The following GPN1 variants were observed in gnomAD, a reference collection of about 807,000 sequenced individuals.
GPN1 encodes GPN-loop GTPase 1.
In GPN1, 44 loss-of-function variants were observed where a neutral mutation model predicts 55.9. The observed-to-expected ratio is 0.79, with a 90% confidence interval of 0.62 to 1.01. The LOEUF is 1.01. GPN1 is among the 50% of genes least tolerant of loss of function. GPN1 has a pLI of 0.00. For synonymous variants in GPN1, 179 were observed against 162.5 expected (o/e 1.10, Z -0.77); for missense variants, 466 against 462.8 (o/e 1.01, Z -0.06).
At chr2:27,648,102 A>G (rs568631210) in intron 13 of GPN1, among the ~76,000 whole-genome samples, 159 bp downstream of exon 13, 7 of 152,346 alleles carry the variant, frequency 4.6e-5, no homozygotes, top group African/African-American at 1.7e-4. Flanking sequence ...TGTCCTGCCT[A>G]CTGGATGGTT....
At position 27,631,856 on chromosome 2, in the gene GPN1, G is replaced by A. The variant is rs372415547; in HGVS notation, c.268G>A (p.Gly90Ser). The A allele has an allele frequency of 3.5e-5, 56 of 1,602,226 alleles. No homozygotes were observed. The highest frequency in any genetic ancestry group is 4.5e-5 in the Non-Finnish European group (53 of 1,169,332). The change falls in exon 4 of 14, where the codon GGC (glycine) becomes AGC (serine). Residue 90 changes from glycine to serine, a missense_variant. Physicochemically the swap from Gly to Ser is moderately conservative, Grantham distance 56. Transcript: ENST00000610189. ...MKQYGLGPNG[G>S]IVTSLNLFAT... ...TAGATATGGACTTGGACCCAATGGC[G>A]GCATAGTGACCTCACTCAATCTCTT...
chr2:27,638,531 GACA>G (rs1158357759), intron 8 of GPN1, among the ~76,000 whole-genome samples: 10 of 152,196 alleles, frequency 6.6e-5, no homozygotes, highest in African/African-American at 2.4e-4. Flanking sequence ...TTACGAGAGG[GACA>G]ACTAGTCTAC....
At position 27,632,615 on chromosome 2, in the gene GPN1, G is replaced by C; in HGVS notation, c.313-18G>C. 1 of 1,584,402 alleles carries C rather than the reference G, an allele frequency of 6.3e-7. No individual in the cohort carries two copies. The highest frequency in any genetic ancestry group is 1.1e-5 in the South Asian group (1 of 90,406). On this transcript the variant is annotated intron_variant, in intron 4 of 13. Transcript: ENST00000610189. ...GTTGAAATCGGAATTTGTTGTCATT[G>C]ACATCTTTTTCTTTTAGGTGATGAA...
rs1673424476 is a variant in GPN1 at position 27,629,130 on chromosome 2, G to A, written c.72G>A (p.Val24=). Reference sequence around the variant, plus strand: ...CGCGGCACCCAGTGTGTCTGTTGGTGTTGGGAATGGCGGGATCCGGGAAAA... The same window carrying A: ...CGCGGCACCCAGTGTGTCTGTTGGTATTGGGAATGGCGGGATCCGGGAAAA... ...GGPRHPVCLL[V]LGMAGSGKTT... The change falls in exon 1 of 14, where the codon GTG becomes GTA. Residue 24 remains valine, a synonymous_variant. Transcript: ENST00000610189. 2 of 1,614,262 alleles carry A rather than the reference G, an allele frequency of 1.2e-6. No homozygotes were observed. Among genetic ancestry groups the A allele is most frequent in the Non-Finnish European group, 1.7e-6 (2 of 1,180,050 alleles).
chr2:27,635,425 C>T (rs780155710), intron 7 of GPN1, among the ~76,000 whole-genome samples, 191 bp downstream of exon 7: 1 of 151,114 alleles, frequency 6.6e-6, no homozygotes, highest in African/African-American at 2.4e-5. Context: ...GTGCTGTTGG[C>T]ATTCTCTCTC....
At chr2:27,637,062 C>A (rs1440494411) in intron 7 of GPN1, among the ~76,000 whole-genome samples, 1 of 151,994 alleles carries the variant, frequency 6.6e-6, no homozygotes, top group Non-Finnish European at 1.5e-5. Context: ...CAGAGACCAG[C>A]CGGGGCACCA....
At chr2:27,642,563 A>G (rs770756573) in intron 12 of GPN1, 44 bp downstream of exon 12, 2 of 1,140,296 alleles carry the variant, frequency 1.8e-6, no homozygotes, top group Non-Finnish European at 1.3e-6. Context: ...AAAAGGTTAC[A>G]CTTCTTTCTT....
chr2:27,632,186 T>C (rs1673581751), intron 4 of GPN1, among the ~76,000 whole-genome samples: 1 of 152,200 alleles, frequency 6.6e-6, no homozygotes, highest in Admixed American at 6.5e-5. Context: ...TGGGGGTATT[T>C]GGGAGTGGGA....
At chr2:27,646,632 T>C (rs1674247666) in intron 12 of GPN1, among the ~76,000 whole-genome samples, 1 of 152,180 alleles carries the variant, frequency 6.6e-6, no homozygotes, top group Non-Finnish European at 1.5e-5. Flanking sequence ...TATTGCAGCT[T>C]AGTGGAATCC....
chr2:27,639,574 T>C (rs1673859290), intron 9 of GPN1, among the ~76,000 whole-genome samples: 1 of 152,064 alleles, frequency 6.6e-6, no homozygotes, highest in South Asian at 2.1e-4. Flanking sequence ...GGCCAGAGTG[T>C]AGTGACAGGA....
Position 27,635,224 on chromosome 2 carries a change from T to C in GPN1, c.514T>C (p.Tyr172His). The C allele has an allele frequency of 6.5e-7, 1 of 1,538,636 alleles. No individual in the cohort carries two copies. The highest frequency in any genetic ancestry group is 9.0e-7 in the Non-Finnish European group (1 of 1,112,870). The change falls in exon 7 of 14, where the codon TAT becomes CAT. Residue 172 changes from tyrosine (Y) to histidine (H), a missense_variant. Coordinates refer to ENST00000610189, the MANE Select transcript of GPN1 (RefSeq NM_007266.4). ...AGTGACCTTCATGTCCAACATGCTC[T>C]ATGCCTGCAGGTAATTGATTGTTGG... ...NPVTFMSNML[Y>H]ACSILYKTKL...
At chr2:27,644,122 C>T (rs1447041103) in intron 12 of GPN1, among the ~76,000 whole-genome samples, 1 of 152,162 alleles carries the variant, frequency 6.6e-6, no homozygotes, top group Non-Finnish European at 1.5e-5. Flanking sequence ...TTGCAGTGAG[C>T]AAAGATCGCG....
rs777542021 is a variant in GPN1 at position 27,629,839 on chromosome 2, C to T, written c.112-20C>T. The T allele has an allele frequency of 2.4e-5, 33 of 1,394,906 alleles. No homozygotes were observed. Among genetic ancestry groups the T allele is most frequent in the Non-Finnish European group, 3.2e-5 (31 of 979,848 alleles). 86.4% of individuals were successfully genotyped at this position (1,394,906 alleles called of 1,614,324 possible). Reference sequence around the variant, plus strand: ...GTCCCCTCTTTGTCTCCTTCCAACCCTCTCCCCATATCTCTGCAGAGGCTC... The same window carrying T: ...GTCCCCTCTTTGTCTCCTTCCAACCTTCTCCCCATATCTCTGCAGAGGCTC... On this transcript the variant is annotated intron_variant, in intron 1 of 13. Coordinates refer to ENST00000610189, the MANE Select transcript of GPN1 (RefSeq NM_007266.4).
At chr2:27,629,978 T>C (rs902446282) in intron 2 of GPN1, 26 bp downstream of exon 2, 23 of 1,238,064 alleles carry the variant, frequency 1.9e-5, no homozygotes, top group Non-Finnish European at 2.4e-5. Flanking sequence ...ACATAACTTG[T>C]GTGCAGTGCT....
rs894307602 is a variant in GPN1, at chr2:27,635,038, C to T, written c.430-102C>T. The T allele has an allele frequency of 2.7e-5, 26 of 953,854 alleles. No individual in the cohort carries two copies. In the Admixed American group the frequency reaches 4.3e-4, roughly 16 times the overall value. 59.1% of individuals were successfully genotyped at this position (953,854 alleles called of 1,614,324 possible). ...GAGGAAGTTGTAGAAGCTCTGCACACCCTGCCTAAAGTGGTTTTCCCTTGT... is the reference window on the plus strand; with the variant it reads ...GAGGAAGTTGTAGAAGCTCTGCACATCCTGCCTAAAGTGGTTTTCCCTTGT... On this transcript the variant is annotated intron_variant, in intron 6 of 13. Transcript: ENST00000610189.
chr2:27,646,334 G>A (rs367650456), intron 12 of GPN1, among the ~76,000 whole-genome samples: 2 of 152,224 alleles, frequency 1.3e-5, no homozygotes. Flanking sequence ...GAGCCACCAT[G>A]CCCAGCCCCA....
At chr2:27,642,784 C>T (rs935857478) in intron 12 of GPN1, among the ~76,000 whole-genome samples, 1 of 151,820 alleles carries the variant, frequency 6.6e-6, no homozygotes. Context: ...AGGCTGGTCT[C>T]GAACTCCTGA....
chr2:27,640,833 A>G (rs1673916320), intron 10 of GPN1, among the ~76,000 whole-genome samples: 2 of 152,218 alleles, frequency 1.3e-5, no homozygotes, highest in African/African-American at 4.8e-5. Context: ...CAAGGGTGTT[A>G]TCAAAACCTT....
chr2:27,647,573 T>A (rs140782728), intron 12 of GPN1, among the ~76,000 whole-genome samples: 2 of 152,312 alleles, frequency 1.3e-5, no homozygotes, highest in African/African-American at 4.8e-5. Flanking sequence ...ATGATGCTAC[T>A]AGTAAGACAA....
Sources: gnomAD v4.1 joint callset for allele counts (sites outside exome capture counted in the v4.1 genomes callset) on GRCh38, gnomAD v4.1.1 for gene constraint, MANE v1.5 for transcripts, NCBI Gene and HGNC (gene_info 2026-07-23, HGNC 2026-07-21) for gene names.